Variants in FRMD4A observed in about 807,000 individuals in gnomAD.
The protein encoded by FRMD4A is FERM domain containing 4A.
A neutral mutation model predicts 129.1 loss-of-function variants in FRMD4A; 29 were observed. The observed-to-expected ratio is 0.22, with a 90% CI of 0.17 to 0.31. The LOEUF is 0.31. FRMD4A is among the 10% of genes least tolerant of loss of function. The pLI, the probability that FRMD4A is intolerant of heterozygous loss-of-function variation, is 1.00. For synonymous variants in FRMD4A, 634 were observed against 571.6 expected, an observed-to-expected ratio of 1.11 and a Z score of -1.56; for missense variants, 1,272 against 1,375.8, an observed-to-expected ratio of 0.92 and a Z score of 1.19.
chr10:13,852,892 C>G (rs996449263), intron 3 of FRMD4A, among the ~76,000 whole-genome samples: 3 of 152,146 alleles, frequency 2.0e-5, no homozygotes, highest in Non-Finnish European at 4.4e-5. Flanking sequence ...GAGATTATGT[C>G]TCCTCATAAT....
chr10:13,698,658 A>G (rs1442668578), intron 14 of FRMD4A, among the ~76,000 whole-genome samples: 1 of 152,234 alleles, frequency 6.6e-6, no homozygotes. Context: ...AAGCAATTTC[A>G]CAAACGTGGT....
At chr10:13,917,781 G>A (rs766174791) in intron 2 of FRMD4A, among the ~76,000 whole-genome samples, 38 of 152,130 alleles carry the variant, frequency 2.5e-4, no homozygotes, top group Admixed American at 3.9e-4. Flanking sequence ...TGCAACACCC[G>A]GCAAAGGGGA....
intron 2 of FRMD4A, among the ~76,000 whole-genome samples, chr10:13,869,964 G>C (rs1412612209): frequency 3.3e-5 from 5 of 152,226 alleles, no homozygotes. Context: ...TCTCTGAAGA[G>C]CTACAGAGCC....
chr10:14,083,601 C>T (rs1441280538), intron 2 of FRMD4A: 1 of 152,244 alleles, frequency 6.6e-6, no homozygotes, highest in Non-Finnish European at 1.5e-5. Context: ...TGTATTCACA[C>T]CTAAGGGCAA....
At chr10:13,713,420 A>G (rs1332253350) in intron 12 of FRMD4A, among the ~76,000 whole-genome samples, 1 of 152,230 alleles carries the variant, frequency 6.6e-6, no homozygotes, top group African/African-American at 2.4e-5. Flanking sequence ...AAGAAGAATT[A>G]GACTCATGGA....
At chr10:14,173,102 A>G (rs1344029560) in intron 2 of FRMD4A, among the ~76,000 whole-genome samples, 1 of 152,242 alleles carries the variant, frequency 6.6e-6, no homozygotes, top group Non-Finnish European at 1.5e-5. Context: ...GATGAGGTAA[A>G]TCAAAGCTTT....
intron 2 of FRMD4A, among the ~76,000 whole-genome samples, chr10:13,924,272 T>G (rs2095105103): frequency 6.6e-6 from 1 of 152,138 alleles, no homozygotes; most frequent in African/African-American, 2.4e-5. Context: ...CACATTACAC[T>G]CCAGCTGAAG....
At chr10:14,237,626 T>C (rs189712426) in intron 2 of FRMD4A, among the ~76,000 whole-genome samples, 1 of 152,308 alleles carries the variant, frequency 6.6e-6, no homozygotes, top group Non-Finnish European at 1.5e-5. Context: ...CCACTGCACC[T>C]GGCTGCATCA....
At chr10:13,776,724 C>G (rs2092604450) in intron 6 of FRMD4A, among the ~76,000 whole-genome samples, 1 of 152,250 alleles carries the variant, frequency 6.6e-6, no homozygotes, top group South Asian at 2.1e-4. Flanking sequence ...TTTTAACATA[C>G]AGTAGGAACC....
At chr10:14,166,319 A>T (rs1841174356) in intron 2 of FRMD4A, among the ~76,000 whole-genome samples, 1 of 151,942 alleles carries the variant, frequency 6.6e-6, no homozygotes, top group Non-Finnish European at 1.5e-5. Flanking sequence ...ATGTGTCATT[A>T]CTTCAAATAT....
chr10:14,236,103 G>A (rs993151917), intron 2 of FRMD4A, among the ~76,000 whole-genome samples: 1 of 152,184 alleles, frequency 6.6e-6, no homozygotes, highest in Non-Finnish European at 1.5e-5. Flanking sequence ...TCCTATTCTT[G>A]ACGATTTTCT....
intron 12 of FRMD4A, among the ~76,000 whole-genome samples, chr10:13,721,887 A>C (rs1044703558): frequency 6.6e-6 from 1 of 152,246 alleles, no homozygotes; most frequent in African/African-American, 2.4e-5. Context: ...ACACATACAG[A>C]GGAAATTCTC....
chr10:13,653,213 C>T (rs1026135259), intron 23 of FRMD4A: 1 of 150,918 alleles, frequency 6.6e-6, no homozygotes, highest in Non-Finnish European at 1.5e-5. Flanking sequence ...AAAAAAATTA[C>T]CACAGATAAA....
At chr10:13,717,318 A>T (rs1201782857) in intron 12 of FRMD4A, among the ~76,000 whole-genome samples, 3 of 152,014 alleles carry the variant, frequency 2.0e-5, no homozygotes, top group South Asian at 2.1e-4. Context: ...TTTTCTTAAA[A>T]TTTTTTAATT....
chr10:14,145,984 C>T (rs1441513914), intron 2 of FRMD4A, among the ~76,000 whole-genome samples: 1 of 152,152 alleles, frequency 6.6e-6, no homozygotes, highest in Non-Finnish European at 1.5e-5. Context: ...AAACATTTTC[C>T]TAACAATATC....
Position 13,738,729 on chromosome 10 carries a change from A to G in FRMD4A, c.673-799T>C, listed in dbSNP as rs146024106. On this transcript the variant is annotated intron_variant, in intron 11 of 24. Coordinates refer to ENST00000357447, the MANE Select transcript of FRMD4A (RefSeq NM_018027.5). ...TCCGCCTCCCAGGTTCAAGGAATTC[A>G]CCCACCTCAGCCTCCCAAGTAGCTG... Among the ~76,000 whole-genome samples, 1,555 of 152,098 alleles carry G rather than the reference A, an allele frequency of 0.01. 58 individuals carry two copies. The South Asian group carries it at 0.12, about 12-fold the overall frequency.
chr10:14,028,247 T>C (rs887850430), intron 2 of FRMD4A, among the ~76,000 whole-genome samples: 8 of 152,248 alleles, frequency 5.3e-5, no homozygotes, highest in African/African-American at 1.9e-4. Flanking sequence ...AACTGGGGTA[T>C]ATACTGGCAT....
At chr10:14,288,462 ATGTGT>A (rs1380638288) in intron 2 of FRMD4A, among the ~76,000 whole-genome samples, 2 of 152,208 alleles carry the variant, frequency 1.3e-5, no homozygotes, top group Non-Finnish European at 2.9e-5. Context: ...AGCCATCACT[ATGTGT>A]TAATAATACC....
intron 12 of FRMD4A, among the ~76,000 whole-genome samples, chr10:13,713,691 G>A (rs1181518022): frequency 1.3e-5 from 2 of 150,824 alleles, no homozygotes; most frequent in African/African-American, 4.9e-5. Context: ...TCAGAGGACT[G>A]GATCCCATGT....
Sources: gnomAD v4.1 joint callset for allele counts (sites outside exome capture counted in the v4.1 genomes callset) on GRCh38, gnomAD v4.1.1 for gene constraint, MANE v1.5 for transcripts, NCBI Gene and HGNC (gene_info 2026-07-23, HGNC 2026-07-21) for gene names.